The following SVOPL variants were observed in gnomAD, a reference collection of about 807,000 sequenced individuals.
The protein encoded by SVOPL is SVOP like, also known as putative transporter SVOPL.
SVOPL carries 60 observed loss-of-function variants against 61.0 expected under a neutral mutation model. The ratio of observed to expected loss-of-function variants is 0.98; its 90% CI spans 0.80 to 1.22. The LOEUF (loss-of-function observed/expected upper bound fraction) is 1.22, where lower values mean the gene tolerates loss of function less well. Ranked by LOEUF, SVOPL falls within the 50% of genes most tolerant of loss-of-function variation. SVOPL has a pLI of 0.00. For missense variants in SVOPL, 662 were observed against 643.9 expected (o/e 1.03, Z -0.30); for synonymous variants, 279 against 250.0 (o/e 1.12, Z -1.09).
chr7:138,662,680 C>G (rs568051683), intron 5 of SVOPL: 15 of 1,024,386 alleles, frequency 1.5e-5, no homozygotes, highest in Non-Finnish European at 1.8e-5. Flanking sequence ...TATCAGACCT[C>G]TGTTCTCAAC....
intron 14 of SVOPL, among the ~76,000 whole-genome samples, chr7:138,616,943 T>C (rs1485889973): frequency 6.6e-6 from 1 of 152,212 alleles, no homozygotes; most frequent in Non-Finnish European, 1.5e-5. Flanking sequence ...CATGCCATCA[T>C]GCCTGGCTGG....
rs1554464945 is a variant in SVOPL, at chr7:138,641,838, T to TATATATAAC, written c.789+2878_789+2879insGTTATATAT. ...GTTATATATATATATATATATAACA[T>TATATATAAC]ATATATATAACATATATATAGTCAA... On this transcript the variant is annotated intron_variant, in intron 9 of 15. Coordinates refer to ENST00000674285, the MANE Select transcript of SVOPL (RefSeq NM_001139456.2). Among the ~76,000 whole-genome samples, 1,242 of 132,712 alleles carry TATATATAAC rather than the reference T, an allele frequency of 9.4e-3. 13 individuals are homozygous for TATATATAAC. The highest frequency in any genetic ancestry group is 0.041 in the East Asian group (167 of 4,056). 87.1% of individuals were successfully genotyped at this position (132,712 alleles called of 152,430 possible).
chr7:138,637,503 TATATATAG>T (rs2116961078), intron 9 of SVOPL, among the ~76,000 whole-genome samples: 2 of 32,298 alleles, frequency 6.2e-5, no homozygotes, highest in South Asian at 1.7e-3. Context: ...TATATATATA[TATATATAG>T]ATAGATAGAT....
At chr7:138,661,836 G>A (rs192764716) in intron 5 of SVOPL, 7 of 982,018 alleles carry the variant, frequency 7.1e-6, no homozygotes, top group African/African-American at 1.8e-5. Flanking sequence ...CCTCAATCTT[G>A]GTCCAAATAA....
In SVOPL at chr7:138,644,822, G is replaced by A. The variant is rs1419860612; in HGVS notation, c.684C>T (p.Phe228=). The A allele has an allele frequency of 1.2e-6, 2 of 1,614,168 alleles. No homozygotes were observed. Among genetic ancestry groups the A allele is most frequent in the Non-Finnish European group, 1.7e-6 (2 of 1,180,034 alleles). ...AFKFIPESAR[F]NVSTGNTRAA... ...CCCGAGTGTTCCCAGTGGAGACATT[G>A]AACCGGGCAGATTCAGGAATAAACT... The change falls in exon 9 of 16, where the codon TTC becomes TTT. Residue 228 remains phenylalanine, a synonymous_variant. Transcript: ENST00000674285.
At chr7:138,634,639 C>G (rs759133844) in intron 9 of SVOPL, among the ~76,000 whole-genome samples, 45 of 146,750 alleles carry the variant, frequency 3.1e-4, no homozygotes, top group Non-Finnish European at 5.4e-4. Context: ...CAGAACGAGA[C>G]CCTGTCTTTT....
intron 7 of SVOPL, among the ~76,000 whole-genome samples, chr7:138,656,023 G>T (rs1402123345): frequency 1.3e-5 from 2 of 152,092 alleles, no homozygotes. Context: ...CCATTGATGT[G>T]GCAAACTTCA....
chr7:138,614,036 G>T (rs1353160137), intron 14 of SVOPL, among the ~76,000 whole-genome samples: 5 of 152,188 alleles, frequency 3.3e-5, no homozygotes, highest in African/African-American at 9.7e-5. Context: ...AGGCACAGAG[G>T]ACAAGTTCAA....
intron 7 of SVOPL, among the ~76,000 whole-genome samples, chr7:138,650,256 A>C (rs183788088): frequency 1.1e-3 from 164 of 152,250 alleles, no homozygotes; most frequent in African/African-American, 3.9e-3. Context: ...AAGGTCTAAT[A>C]ATAGAGGGTG....
At chr7:138,669,305 A>G (rs1470700277) in intron 4 of SVOPL, among the ~76,000 whole-genome samples, 1 of 152,106 alleles carries the variant, frequency 6.6e-6, no homozygotes, top group Non-Finnish European at 1.5e-5. Context: ...CTACTCAGGA[A>G]GCTAAGGCAA....
intron 4 of SVOPL, among the ~76,000 whole-genome samples, chr7:138,671,372 A>G (rs1219181958): frequency 6.6e-6 from 1 of 152,058 alleles, no homozygotes; most frequent in Non-Finnish European, 1.5e-5. Context: ...TTTGAGATGG[A>G]GTTTCACTCT....
intron 4 of SVOPL, among the ~76,000 whole-genome samples, chr7:138,667,695 A>G (rs1426756933): frequency 6.6e-6 from 1 of 152,144 alleles, no homozygotes; most frequent in Non-Finnish European, 1.5e-5. Context: ...TCACCCGGAA[A>G]CCTCTGCTTC....
At chr7:138,690,536 A>G (rs1218561259) in intron 1 of SVOPL, among the ~76,000 whole-genome samples, 1 of 152,284 alleles carries the variant, frequency 6.6e-6, no homozygotes, top group Non-Finnish European at 1.5e-5. Flanking sequence ...AAAAGAAGTC[A>G]TATAACACTA....
intron 14 of SVOPL, among the ~76,000 whole-genome samples, chr7:138,620,820 C>T (rs1292313720): frequency 1.3e-5 from 2 of 152,160 alleles, no homozygotes; most frequent in East Asian, 3.8e-4. Context: ...ATGGAGCAAA[C>T]CCTGAACGCA....
At chr7:138,682,968 CA>C (rs762982090) in intron 1 of SVOPL, among the ~76,000 whole-genome samples, 1,375 of 95,406 alleles carry the variant, frequency 0.014, 21 homozygotes, top group African/African-American at 0.046. Context: ...AACTCCATCT[CA>C]AAAAAAAAAA....
chr7:138,688,851 A>G (rs1802877079), intron 1 of SVOPL: 1 of 369,842 alleles, frequency 2.7e-6, no homozygotes, highest in South Asian at 2.2e-5. Flanking sequence ...CAAAATTTAT[A>G]TATGGAAGAC....
intron 4 of SVOPL, among the ~76,000 whole-genome samples, chr7:138,664,556 C>G (rs180949672): frequency 2.0e-5 from 3 of 150,688 alleles, no homozygotes; most frequent in Admixed American, 6.6e-5. Flanking sequence ...CTCCATCAGG[C>G]GCGCGCCTAA....
At chr7:138,700,705 G>GC (rs1317743303) in intron 1 of SVOPL, among the ~76,000 whole-genome samples, 38 of 149,984 alleles carry the variant, frequency 2.5e-4, no homozygotes, top group African/African-American at 8.0e-4. Flanking sequence ...TGGATGGATG[G>GC]ATGGATGGAT....
chr7:138,599,084 C>T (rs1365356756), intron 14 of SVOPL, among the ~76,000 whole-genome samples: 1 of 136,684 alleles, frequency 7.3e-6, no homozygotes, highest in African/African-American at 2.8e-5. Context: ...ATAATTGCAC[C>T]TGAGAATAGT....
Sources: gnomAD v4.1 joint callset for allele counts (sites outside exome capture counted in the v4.1 genomes callset) on GRCh38, gnomAD v4.1.1 for gene constraint, MANE v1.5 for transcripts, NCBI Gene and HGNC (gene_info 2026-07-23, HGNC 2026-07-21) for gene names.